ARHGEF10L: variants seen among roughly 807,000 people sequenced by gnomAD.
ARHGEF10L encodes the protein Rho guanine nucleotide exchange factor 10 like, also known as rho guanine nucleotide exchange factor 10-like protein.
ARHGEF10L carries 69 observed loss-of-function variants against 141.2 expected under a neutral mutation model. That is an observed-to-expected ratio of 0.49 (90% confidence interval 0.40 to 0.60). The LOEUF (loss-of-function observed/expected upper bound fraction) is 0.60. Ranked by LOEUF, ARHGEF10L falls within the 20% of genes least tolerant of loss-of-function variation. ARHGEF10L has a pLI of 0.00. For synonymous variants in ARHGEF10L, 711 were observed against 718.5 expected (o/e 0.99, Z 0.17); for missense variants, 1,482 against 1,734.3 (o/e 0.85, Z 2.58).
rs566899645 is a variant in ARHGEF10L at position 17,545,170 on chromosome 1, T to C, written c.-44+5220T>C. ...CATATCTCAACTCCATTCAGTGATG[T>C]CACATTGGCAGCTTGAAATTGGCCA... On this transcript the variant is annotated intron_variant, in intron 1 of 28. Coordinates refer to ENST00000361221, the MANE Select transcript of ARHGEF10L (RefSeq NM_018125.4). Among the ~76,000 whole-genome samples the C allele has an allele frequency of 1.1e-4, 17 of 152,298 alleles. No individual in the cohort carries two copies. In the East Asian group the frequency reaches 3.3e-3, roughly 29 times the overall value.
At chr1:17,690,714 G>T (rs547744983) in intron 27 of ARHGEF10L, among the ~76,000 whole-genome samples, 2 of 152,260 alleles carry the variant, frequency 1.3e-5, no homozygotes, top group East Asian at 3.9e-4. Context: ...GGAGCCTGGG[G>T]CCCTGCCAGA....
At chr1:17,686,791 T>C (rs1389963388) in intron 26 of ARHGEF10L, among the ~76,000 whole-genome samples, 6 of 152,244 alleles carry the variant, frequency 3.9e-5, no homozygotes, top group African/African-American at 1.4e-4. Context: ...TGATCATTTG[T>C]ATCTTCTTTT....
chr1:17,575,221 C>T (rs1480080807), intron 1 of ARHGEF10L, among the ~76,000 whole-genome samples: 1 of 152,216 alleles, frequency 6.6e-6, no homozygotes, highest in East Asian at 1.9e-4. Flanking sequence ...AGGCATGTAC[C>T]TGTCCCAGCA....
the ARHGEF10L span, among the ~76,000 whole-genome samples, chr1:17,531,209 G>T: frequency 6.6e-6 from 1 of 152,078 alleles, no homozygotes; most frequent in African/African-American, 2.4e-5. Context: ...TTGGAAGGGT[G>T]AATGTGGGAT....
chr1:17,606,387 G>A (rs914690201), intron 6 of ARHGEF10L, among the ~76,000 whole-genome samples: 8 of 151,258 alleles, frequency 5.3e-5, no homozygotes, highest in South Asian at 2.1e-4. Context: ...TCCGCCTCCC[G>A]GGTTCAAGCA....
intron 25 of ARHGEF10L, among the ~76,000 whole-genome samples, chr1:17,661,680 C>CCAGCCCCCATCT (rs2062632381): frequency 6.6e-6 from 1 of 152,170 alleles, no homozygotes; most frequent in Non-Finnish European, 1.5e-5. Flanking sequence ...GGGAGGGGTC[C>CCAGCCCCCATCT]CAGCCCCCAT....
At position 17,597,492 on chromosome 1, in the gene ARHGEF10L, G is replaced by A. The variant is rs535150060; in HGVS notation, c.258-4635G>A. ...TTCTTGCCGTGCCCTCTTTGCATGC[G>A]TGTCTTGAGCTGGAACGTTGCTCGT... On this transcript the variant is annotated intron_variant, in intron 4 of 28. Transcript: ENST00000361221. Among the ~76,000 whole-genome samples, 7 of 152,264 alleles carry A rather than the reference G, an allele frequency of 4.6e-5. No homozygotes were observed. In the South Asian group the frequency reaches 1.0e-3, roughly 23 times the overall value.
chr1:17,597,137 C>G (rs1259436616), intron 4 of ARHGEF10L, among the ~76,000 whole-genome samples: 1 of 152,160 alleles, frequency 6.6e-6, no homozygotes, highest in African/African-American at 2.4e-5. Flanking sequence ...CCTTTTCCTC[C>G]CCATCTCCTG....
chr1:17,627,567 C>A lies in ARHGEF10L; in HGVS notation c.1584+64C>A. 1 of 1,557,834 alleles carries A rather than the reference C, an allele frequency of 6.4e-7. No homozygotes were observed. Among genetic ancestry groups the A allele is most frequent in the African/African-American group, 1.3e-5 (1 of 74,080 alleles). On this transcript the variant is annotated intron_variant, in intron 15 of 28. Coordinates refer to ENST00000361221, the MANE Select transcript of ARHGEF10L (RefSeq NM_018125.4). The surrounding 1 kb of genome is among the most constrained non-coding windows in gnomAD (Gnocchi z 4.0). ...GCCCTCACCTGTGCTCCTGCCCGTG[C>A]CCCTGCCCCACGCCACCCACACTAG...
intron 18 of ARHGEF10L, 123 bp from the exon 19 acceptor site, chr1:17,637,765 A>T: frequency 1.3e-6 from 1 of 784,894 alleles, no homozygotes; most frequent in Non-Finnish European, 2.0e-6. Context: ...CGGCCTCCCA[A>T]AGTGCTGGGA....
chr1:17,640,535 T>C (rs995742633), intron 21 of ARHGEF10L, among the ~76,000 whole-genome samples: 14 of 152,054 alleles, frequency 9.2e-5, no homozygotes, highest in African/African-American at 2.7e-4. Context: ...CATCCAGGAA[T>C]TGATGGAACT....
At chr1:17,529,358 T>C in the ARHGEF10L span, among the ~76,000 whole-genome samples, 4 of 152,144 alleles carry the variant, frequency 2.6e-5, no homozygotes, top group Non-Finnish European at 5.9e-5. Context: ...GATGTATCCA[T>C]GGGTTGTTCT....
chr1:17,630,578 G>A (rs2060625151), intron 15 of ARHGEF10L, among the ~76,000 whole-genome samples: 1 of 152,226 alleles, frequency 6.6e-6, no homozygotes, highest in Non-Finnish European at 1.5e-5. Flanking sequence ...CTGTCACACT[G>A]TGCACTAGCT....
chr1:17,521,061 C>T, the ARHGEF10L span, among the ~76,000 whole-genome samples: 3 of 152,180 alleles, frequency 2.0e-5, no homozygotes, highest in Non-Finnish European at 4.4e-5. Context: ...TGGTGGGAGC[C>T]ATTTCACAGG....
chr1:17,592,840 G>A (rs773786196), intron 4 of ARHGEF10L, among the ~76,000 whole-genome samples: 15 of 152,178 alleles, frequency 9.9e-5, no homozygotes, highest in Non-Finnish European at 2.1e-4. Context: ...CGGGACGTGA[G>A]GCATGGCAGA....
In ARHGEF10L at chr1:17,697,005, C is replaced by T. The variant is rs1463689368; in HGVS notation, c.3465C>T (p.Pro1155=). 2 of 1,610,120 alleles carry T rather than the reference C, an allele frequency of 1.2e-6. No individual in the cohort carries two copies. The highest frequency in any genetic ancestry group is 1.1e-5 in the South Asian group (1 of 90,606). The change falls in exon 29 of 29, where the codon CCC becomes CCT. Residue 1155 remains proline, a synonymous_variant. Transcript: ENST00000361221. The surrounding 1 kb of genome is among the most constrained non-coding windows in gnomAD (Gnocchi z 4.8). ...EDKPDGQAHE[P]MPDSHVGREL... ...AGCCAGACGGGCAGGCACACGAGCC[C>T]ATGCCCGATAGCCACGTGGGCCGAG...
chr1:17,593,675 T>C (rs1392529094), intron 4 of ARHGEF10L, among the ~76,000 whole-genome samples: 1 of 152,138 alleles, frequency 6.6e-6, no homozygotes, highest in Non-Finnish European at 1.5e-5. Context: ...AGCACAGCCC[T>C]GCCGAAACCT....
rs1250409384 is a variant in ARHGEF10L, at chr1:17,619,352, G to A, written c.849G>A (p.Glu283=). 1 of 1,613,314 alleles carries A rather than the reference G, an allele frequency of 6.2e-7. No individual in the cohort carries two copies. Among genetic ancestry groups the A allele is most frequent in the Non-Finnish European group, 8.5e-7 (1 of 1,179,894 alleles). Reference sequence around the variant, plus strand: ...CTGACTTTCCAGGTGACTCGGAGGAGGAGGACATGGGGCTCCTGGAGGTCA... The same window carrying A: ...CTGACTTTCCAGGTGACTCGGAGGAAGAGGACATGGGGCTCCTGGAGGTCA... ...HRKDVLGDSE[E]EDMGLLEVSV... is the part of the protein sequence containing the mutation. The change falls in exon 10 of 29, where the codon GAG becomes GAA. Residue 283 remains glutamate (E), a synonymous_variant. Transcript: ENST00000361221. The surrounding 1 kb of genome is among the most constrained non-coding windows in gnomAD (Gnocchi z 5.0).
intron 1 of ARHGEF10L, among the ~76,000 whole-genome samples, chr1:17,571,274 C>T (rs952586922): frequency 2.0e-5 from 3 of 151,986 alleles, no homozygotes; most frequent in South Asian, 2.1e-4. Flanking sequence ...GAATGGGGAC[C>T]GAGATGCTCC....
Sources: gnomAD v4.1 joint callset for allele counts (sites outside exome capture counted in the v4.1 genomes callset) on GRCh38, gnomAD v4.1.1 for gene constraint, Gnocchi (gnomAD v3.1) non-coding constraint, MANE v1.5 for transcripts, NCBI Gene and HGNC (gene_info 2026-07-23, HGNC 2026-07-21) for gene names.